TEF: variants seen among roughly 807,000 people sequenced by gnomAD.
TEF encodes the protein TEF transcription factor, PAR bZIP family member.
In TEF, 3 loss-of-function variants were observed where a neutral mutation model predicts 20.8. That is an observed-to-expected ratio of 0.14 (90% CI 0.07 to 0.37). The LOEUF is 0.37. Ranked by LOEUF, TEF falls within the 10% of genes least tolerant of loss-of-function variation. The probability of loss-of-function intolerance (pLI) is 1.00; values close to 1 mark genes in which losing one functional copy is unlikely to be tolerated. For missense variants in TEF, 296 were observed against 397.9 expected, an observed-to-expected ratio of 0.74 and a Z score of 2.18; for synonymous variants, 180 against 171.1, an observed-to-expected ratio of 1.05 and a Z score of -0.41.
At chr22:41,370,514 G>C (rs2036871834) in intron 1 of TEF, among the ~76,000 whole-genome samples, 1 of 149,544 alleles carries the variant, frequency 6.7e-6, no homozygotes. Flanking sequence ...CCGTGTTCAA[G>C]CAATTCTCCT....
chr22:41,382,598 C>T (rs1007099915), intron 1 of TEF, among the ~76,000 whole-genome samples: 2 of 152,072 alleles, frequency 1.3e-5, no homozygotes, highest in Non-Finnish European at 2.9e-5. Flanking sequence ...AAGGAGCACC[C>T]CACCGCACCC....
chr22:41,388,161 T>A lies in TEF; in HGVS notation c.475+493T>A, dbSNP rs571658093. 8.6e-5 allele frequency among the ~76,000 whole-genome samples: 13 copies of A among 151,886 alleles called. No homozygotes were observed. The South Asian group carries it at 1.9e-3, about 22-fold the overall frequency. The stretch of plus-strand genomic sequence containing the variant: ...ACAGGCACCAGCCACCACGCCTGGC[T>A]AATTTTTTTATTTTTTAGTAGAGAC... On this transcript the variant is annotated intron_variant, in intron 2 of 3. Transcript: ENST00000266304.
intron 1 of TEF, among the ~76,000 whole-genome samples, chr22:41,386,756 A>T (rs1223625438): frequency 1.3e-5 from 2 of 151,834 alleles, no homozygotes; most frequent in Non-Finnish European, 2.9e-5. Context: ...ATAAATAAAT[A>T]AAATAAAATA....
At chr22:41,387,983 C>CTT (rs530707936) in intron 2 of TEF, among the ~76,000 whole-genome samples, 2,218 of 50,100 alleles carry the variant, frequency 0.044, 604 homozygotes, top group East Asian at 0.06. Flanking sequence ...CAATGCTGCT[C>CTT]TTTTTTTTTT....
intron 2 of TEF, among the ~76,000 whole-genome samples, chr22:41,393,812 A>G (rs5758325): frequency 0.06 from 9,047 of 151,500 alleles, 1,049 homozygotes; most frequent in East Asian, 0.45. Flanking sequence ...TTTGCTTAAC[A>G]TTTCTGGAGG....
chr22:41,370,127 T>C (rs1238181754), intron 1 of TEF: 41 of 984,078 alleles, frequency 4.2e-5, no homozygotes, highest in Non-Finnish European at 4.9e-5. Context: ...CCCCTTTTTT[T>C]TTTTTGAGAT....
chr22:41,369,611 C>CG (rs112461850), intron 1 of TEF, among the ~76,000 whole-genome samples: 6,377 of 152,232 alleles, frequency 0.042, 450 homozygotes, highest in African/African-American at 0.14. Flanking sequence ...AATCTCCAGA[C>CG]CATTTATAAA....
At chr22:41,369,219 C>T (rs1245865127) in intron 1 of TEF, 2 of 985,270 alleles carry the variant, frequency 2.0e-6, no homozygotes, top group African/African-American at 1.7e-5. Context: ...TCTCTGGCTC[C>T]CAGCTGGTCT....
intron 3 of TEF, 152 bp downstream of exon 3, chr22:41,394,468 A>G: frequency 1.3e-6 from 1 of 779,536 alleles, no homozygotes; most frequent in South Asian, 1.9e-5. Flanking sequence ...CATATCCTTC[A>G]GCAGTTTGGT....
intron 1 of TEF, among the ~76,000 whole-genome samples, chr22:41,386,064 A>T (rs1322198176): frequency 6.6e-6 from 1 of 151,938 alleles, no homozygotes; most frequent in African/African-American, 2.4e-5. Context: ...TGACCTCGGG[A>T]TCCACTCGCC....
upstream of TEF, among the ~76,000 whole-genome samples, chr22:41,379,267 G>A (rs1254263090): frequency 2.0e-5 from 3 of 152,196 alleles, no homozygotes; most frequent in Admixed American, 6.5e-5. Flanking sequence ...GAAGCCGGGA[G>A]GCAGCGCTTG....
intron 2 of TEF, among the ~76,000 whole-genome samples, chr22:41,393,779 A>G (rs1051023253): frequency 1.3e-5 from 2 of 151,944 alleles, no homozygotes; most frequent in Non-Finnish European, 2.9e-5. Context: ...ATCTCAAAAA[A>G]AAAAAAAAAA....
At position 41,387,470 on chromosome 22, in the gene TEF, T is replaced by G. The variant is rs2037112068; in HGVS notation, c.277T>G (p.Ser93Ala). ...CAAGACCATCCCATATGATGGCGAA[T>G]CTTTCCACCTGGAGTACATGGACCT... ...WDKTIPYDGE[S>A]FHLEYMDLDE... The change falls in exon 2 of 4, where the codon TCT (serine) becomes GCT (alanine). Residue 93 changes from serine (S) to alanine (A), a missense_variant. Ser to Ala is a moderately conservative substitution (Grantham distance 99, BLOSUM62 1). Transcript: ENST00000266304. 1 of 1,614,090 alleles carries G rather than the reference T, an allele frequency of 6.2e-7. No individual in the cohort carries two copies. Among genetic ancestry groups the G allele is most frequent in the African/African-American group, 1.3e-5 (1 of 74,936 alleles).
intron 1 of TEF, among the ~76,000 whole-genome samples, chr22:41,384,122 C>A (rs1350249728): frequency 6.6e-6 from 1 of 152,184 alleles, no homozygotes; most frequent in African/African-American, 2.4e-5. Context: ...GCTATTTGGT[C>A]TGGGAGTCCA....
At chr22:41,386,692 A>G (rs920814638) in intron 1 of TEF, among the ~76,000 whole-genome samples, 2 of 151,826 alleles carry the variant, frequency 1.3e-5, no homozygotes, top group Non-Finnish European at 2.9e-5. Flanking sequence ...GCAGTGAGCC[A>G]AGATTGCGCC....
chr22:41,369,514 G>C (rs2145957616), intron 1 of TEF, among the ~76,000 whole-genome samples: 1 of 152,270 alleles, frequency 6.6e-6, no homozygotes, highest in Middle Eastern at 3.4e-3. Context: ...TAAAATGAGG[G>C]GAAGAGGGCT....
intron 2 of TEF, among the ~76,000 whole-genome samples, chr22:41,390,644 G>A (rs540660368): frequency 1.3e-5 from 2 of 151,550 alleles, no homozygotes; most frequent in African/African-American, 4.8e-5. Context: ...GAATACAGGC[G>A]CCCACCACCA....
chr22:41,393,208 G>T (rs1171746615), intron 2 of TEF, among the ~76,000 whole-genome samples: 1 of 151,928 alleles, frequency 6.6e-6, no homozygotes, highest in Non-Finnish European at 1.5e-5. Context: ...AGGCGTGTTG[G>T]TGTGCATCCG....
chr22:41,375,533 G>T (rs1004706937), intron 1 of TEF, among the ~76,000 whole-genome samples: 2 of 152,108 alleles, frequency 1.3e-5, no homozygotes, highest in African/African-American at 4.8e-5. Context: ...GGCGGATCGC[G>T]AGGTCAGGAG....
Sources: allele counts gnomAD v4.1 joint callset (sites outside exome capture counted in the v4.1 genomes callset), GRCh38; gene constraint gnomAD v4.1.1; transcripts MANE v1.5; gene names NCBI Gene and HGNC (gene_info 2026-07-23, HGNC 2026-07-21).